PCYT1B: variants seen among roughly 807,000 people sequenced by gnomAD.
PCYT1B encodes phosphate cytidylyltransferase 1B, choline, also known as choline-phosphate cytidylyltransferase B.
Under a neutral mutation model 26.4 loss-of-function variants are expected in PCYT1B, and 10 were observed. The ratio of observed to expected loss-of-function variants is 0.38; its 90% CI spans 0.23 to 0.64. The LOEUF is 0.64. Among genes scored for constraint, PCYT1B ranks in the 30% least tolerant of loss-of-function variants. The pLI is 0.56. For missense variants in PCYT1B, 161 were observed against 292.7 expected (o/e 0.55, Z 3.28); for synonymous variants, 131 against 108.4 (o/e 1.21, Z -1.29).
chrX:24,617,374 T>TGG (rs1555960808), intron 2 of PCYT1B, among the ~76,000 whole-genome samples: 2 of 89,673 alleles, frequency 2.2e-5, no homozygotes, highest in African/African-American at 1.4e-4. Flanking sequence ...TTTGTTTGTT[T>TGG]TTTTTTTTGT....
Position 24,561,403 on chromosome X carries a change from AC to A in PCYT1B, c.*889del, listed in dbSNP as rs1366521827. Reference sequence around the variant, plus strand: ...TTACTTGAGGTCTATGAAACTGTTAACTGGTCAGAAATGGGAAAAGCCATTC... The same window carrying A: ...TTACTTGAGGTCTATGAAACTGTTAATGGTCAGAAATGGGAAAAGCCATTC... On this transcript the variant is annotated 3_prime_UTR_variant, in exon 8 of 8. Transcript: ENST00000379144. The A allele has an allele frequency of 8.9e-6, 1 of 112,477 alleles. No individual in the cohort carries two copies. The highest frequency in any genetic ancestry group is 9.5e-5 in the Admixed American group (1 of 10,566). The allele number at this position is 112,477 out of a possible 1,213,427, so 9.3% of individuals were successfully genotyped here.
Position 24,646,992 on chromosome X carries a change from T to A in PCYT1B, c.114A>T (p.Arg38=). The A allele has an allele frequency of 8.3e-7, 1 of 1,205,455 alleles. No individual in the cohort carries two copies. Among genetic ancestry groups the A allele is most frequent in the Non-Finnish European group, 1.1e-6 (1 of 889,840 alleles). Residue 38 remains arginine, a synonymous_variant, in exon 1 of 8, where the codon CGA becomes CGT. Coordinates refer to ENST00000379144, the MANE Select transcript of PCYT1B (RefSeq NM_004845.5). ...TCCATCCTTTGTCTTTACTTACCAG[T>A]CGAGGCTGTGGGCATGTGTGCTCTA... ...EEIEHTCPQP[R]LTLTAPAPFA... is the part of the protein sequence containing the mutation.
chrX:24,654,389 G>A (rs1926856220), intron 1 of PCYT1B, among the ~76,000 whole-genome samples: 1 of 105,538 alleles, frequency 9.5e-6, no homozygotes, highest in African/African-American at 3.4e-5. Context: ...TTACAGGCGT[G>A]AGCCACCGCG....
At chrX:24,668,694 A>G (rs776678918) in intron 1 of PCYT1B, among the ~76,000 whole-genome samples, 1 of 107,908 alleles carries the variant, frequency 9.3e-6, no homozygotes, top group Non-Finnish European at 1.9e-5. Context: ...GGCAAGGAGG[A>G]AGGTTCCTTC....
chrX:24,632,843 G>A (rs1416772504), intron 1 of PCYT1B, among the ~76,000 whole-genome samples: 2 of 111,103 alleles, frequency 1.8e-5, no homozygotes, highest in Admixed American at 9.6e-5. Flanking sequence ...TTAGATAGAA[G>A]GAATAAATTC....
chrX:24,659,399 G>C (rs971473668), intron 1 of PCYT1B, among the ~76,000 whole-genome samples: 14 of 110,782 alleles, frequency 1.3e-4, no homozygotes, highest in African/African-American at 4.3e-4. Context: ...TTCTTCCTCT[G>C]CAATACAAAC....
chrX:24,606,045 C>A (rs1419053845), intron 3 of PCYT1B, among the ~76,000 whole-genome samples: 1 of 76,156 alleles, frequency 1.3e-5, no homozygotes, highest in Non-Finnish European at 2.4e-5. Flanking sequence ...CAGAGCAAGA[C>A]TCCATCTCAA....
chrX:24,600,931 CAAA>C, intron 3 of PCYT1B, among the ~76,000 whole-genome samples: 1 of 92,375 alleles, frequency 1.1e-5, no homozygotes. Flanking sequence ...CATTCACATG[CAAA>C]AAAAAAAAAA....
chrX:24,635,576 T>TCC (rs1926245288), intron 1 of PCYT1B, among the ~76,000 whole-genome samples: 1 of 112,180 alleles, frequency 8.9e-6, no homozygotes, highest in African/African-American at 3.2e-5. Context: ...GGATGATTTC[T>TCC]TTAACAGAAA....
At chrX:24,630,191 C>G (rs1015609598) in intron 1 of PCYT1B, among the ~76,000 whole-genome samples, 4 of 112,004 alleles carry the variant, frequency 3.6e-5, no homozygotes, top group African/African-American at 1.3e-4. Context: ...ACCTCCTTCC[C>G]CAAAGAACTT....
intron 2 of PCYT1B, among the ~76,000 whole-genome samples, chrX:24,613,278 A>G (rs2148250051): frequency 8.9e-6 from 1 of 112,332 alleles, no homozygotes; most frequent in African/African-American, 3.2e-5. Context: ...ACTGATGTGC[A>G]AAAAAAGTGG....
chrX:24,672,875 T>C (rs1388228846), upstream of PCYT1B, among the ~76,000 whole-genome samples: 4 of 112,112 alleles, frequency 3.6e-5, no homozygotes, highest in Non-Finnish European at 7.5e-5. Context: ...TGGGCTGTTG[T>C]TCATTGACAA....
intron 7 of PCYT1B, among the ~76,000 whole-genome samples, chrX:24,566,360 TTCA>T (rs1923630817): frequency 8.9e-6 from 1 of 111,971 alleles, no homozygotes; most frequent in African/African-American, 3.2e-5. Context: ...TAAATAATAT[TTCA>T]TCATGTGAGA....
At chrX:24,608,882 A>G (rs756431254) in intron 2 of PCYT1B, among the ~76,000 whole-genome samples, 3 of 112,096 alleles carry the variant, frequency 2.7e-5, no homozygotes, top group East Asian at 5.6e-4. Flanking sequence ...TTATATCCCC[A>G]TCATGATACT....
In PCYT1B at chrX:24,593,445, CTTTTCTTTTCT is replaced by C. The variant is rs1168487769; in HGVS notation, c.335-3282_335-3272del. 3.8e-4 allele frequency among the ~76,000 whole-genome samples: 6 copies of C among 15,654 alleles called. 1 individual carries two copies. The highest frequency in any genetic ancestry group is 0.01 in the South Asian group (1 of 99). 13.6% of individuals were successfully genotyped at this position (15,654 alleles called of 115,157 possible). The stretch of plus-strand genomic sequence containing the variant: ...CTTTCTTTCTTTCCTTTCTTTCTTT[CTTTTCTTTTCT>C]TTTCTTTTCTTTTCTTTTCTTTTCT... On this transcript the variant is annotated intron_variant, in intron 3 of 7. Coordinates refer to ENST00000379144, the MANE Select transcript of PCYT1B (RefSeq NM_004845.5).
chrX:24,590,529 C>T (rs1205956386), intron 3 of PCYT1B, among the ~76,000 whole-genome samples: 1 of 111,092 alleles, frequency 9.0e-6, no homozygotes, highest in Non-Finnish European at 1.9e-5. Flanking sequence ...TGAACAGACA[C>T]AGGAGGGAGA....
chrX:24,616,146 A>C (rs753408142), intron 2 of PCYT1B, among the ~76,000 whole-genome samples: 9 of 110,321 alleles, frequency 8.2e-5, no homozygotes, highest in African/African-American at 3.0e-4. Context: ...CTTTCCCTAG[A>C]AAGGTAGAGG....
chrX:24,565,347 G>A (rs780168818), intron 7 of PCYT1B, among the ~76,000 whole-genome samples: 30 of 111,257 alleles, frequency 2.7e-4, no homozygotes, highest in Admixed American at 1.7e-3. Flanking sequence ...TTTACAAACC[G>A]TTACAGAGAT....
intron 3 of PCYT1B, among the ~76,000 whole-genome samples, chrX:24,597,172 TGGA>T (rs1165535141): frequency 7.4e-5 from 8 of 108,232 alleles, no homozygotes; most frequent in Non-Finnish European, 1.5e-4. Context: ...TCACCCAGGC[TGGA>T]GTGCAGTGGC....
Sources: gnomAD v4.1 joint callset for allele counts (sites outside exome capture counted in the v4.1 genomes callset) on GRCh38, gnomAD v4.1.1 for gene constraint, MANE v1.5 for transcripts, NCBI Gene and HGNC (gene_info 2026-07-23, HGNC 2026-07-21) for gene names.